The following CADPS variants were observed in gnomAD, a reference collection of about 807,000 sequenced individuals.
CADPS encodes the protein calcium-dependent secretion activator 1.
A neutral mutation model predicts 167.3 loss-of-function variants in CADPS; 57 were observed. The ratio of observed to expected loss-of-function variants is 0.34; its 90% CI spans 0.28 to 0.42. The LOEUF (loss-of-function observed/expected upper bound fraction) is 0.42. CADPS is among the 20% of genes least tolerant of loss of function. CADPS has a pLI of 1.00. For synonymous variants in CADPS, 676 were observed against 635.3 expected (o/e 1.06, Z -0.96); for missense variants, 1,414 against 1,738.1 (o/e 0.81, Z 3.32).
chr3:62,646,581 T>C (rs537203456), intron 5 of CADPS, among the ~76,000 whole-genome samples: 17 of 152,250 alleles, frequency 1.1e-4, no homozygotes, highest in African/African-American at 4.1e-4. Flanking sequence ...ATAGTGCAAA[T>C]ACTAAAATAA....
At chr3:62,762,706 T>G (rs1046337830) in intron 2 of CADPS, among the ~76,000 whole-genome samples, 3 of 151,142 alleles carry the variant, frequency 2.0e-5, no homozygotes, top group African/African-American at 7.3e-5. Context: ...ATAGGTTATA[T>G]GCAAACACTA....
intron 28 of CADPS, among the ~76,000 whole-genome samples, chr3:62,409,822 A>G (rs1050986923): frequency 1.3e-5 from 2 of 152,188 alleles, no homozygotes; most frequent in African/African-American, 4.8e-5. Context: ...GGAGAGCAAA[A>G]TGGTAGAGCC....
At chr3:62,646,489 A>G (rs2150087277) in intron 5 of CADPS, among the ~76,000 whole-genome samples, 1 of 152,274 alleles carries the variant, frequency 6.6e-6, no homozygotes, top group African/African-American at 2.4e-5. Flanking sequence ...TATTTTCTTT[A>G]AAAATAGTCT....
At chr3:62,615,948 A>G (rs966355452) in intron 6 of CADPS, among the ~76,000 whole-genome samples, 1 of 152,084 alleles carries the variant, frequency 6.6e-6, no homozygotes, top group Non-Finnish European at 1.5e-5. Flanking sequence ...CTCATGATGG[A>G]GAAGAACAGA....
rs1250588476 is a variant in CADPS at position 62,874,682 on chromosome 3, C to T, written c.348G>A (p.Lys116=). Residue 116 remains lysine, a synonymous_variant, in exon 1 of 30, where the codon AAG becomes AAA. Coordinates refer to ENST00000383710, the MANE Select transcript of CADPS (RefSeq NM_003716.4). The surrounding 1 kb of genome is among the most constrained non-coding windows in gnomAD (Gnocchi z 7.1). ...CGAACACATACAGCTGCAGCCTCTTCTTCCTCTCCTCCTCCTCTTTCTGCA... is the reference window on the plus strand; with the variant it reads ...CGAACACATACAGCTGCAGCCTCTTTTTCCTCTCCTCCTCCTCTTTCTGCA... ...ERLQKEEEER[K]KRLQLYVFVM... 1.3e-6 allele frequency: 2 copies of T among 1,553,424 alleles called. No homozygotes were observed. Among genetic ancestry groups the T allele is most frequent in the African/African-American group, 1.4e-5 (1 of 73,194 alleles).
intron 3 of CADPS, among the ~76,000 whole-genome samples, chr3:62,742,521 T>C (rs1343522508): frequency 6.6e-6 from 1 of 152,084 alleles, no homozygotes; most frequent in African/African-American, 2.4e-5. Context: ...AAAGAAGCAA[T>C]GGCAAAGGAT....
chr3:62,479,122 AAT>A (rs2061655216), intron 22 of CADPS, among the ~76,000 whole-genome samples: 2 of 152,214 alleles, frequency 1.3e-5, no homozygotes, highest in African/African-American at 2.4e-5. Flanking sequence ...GGATATTGTC[AAT>A]GCTTTAGGGC....
rs55860601 is a variant in CADPS at position 62,837,390 on chromosome 3, G to T, written c.441+37199C>A. On this transcript the variant is annotated intron_variant, in intron 1 of 29. Coordinates refer to ENST00000383710, the MANE Select transcript of CADPS (RefSeq NM_003716.4). Reference sequence around the variant, plus strand: ...TTGCTCCCACTGACCTCACAGGACGGGTTAAGTTGAGAGAACTACAGCATC... The same window carrying T: ...TTGCTCCCACTGACCTCACAGGACGTGTTAAGTTGAGAGAACTACAGCATC... 6.8e-3 allele frequency among the ~76,000 whole-genome samples: 1,029 copies of T among 152,276 alleles called. 13 individuals carry two copies. The highest frequency in any genetic ancestry group is 0.023 in the African/African-American group (973 of 41,548).
chr3:62,870,186 T>C (rs1056749937), intron 1 of CADPS, among the ~76,000 whole-genome samples: 13 of 152,144 alleles, frequency 8.5e-5, no homozygotes, highest in Non-Finnish European at 1.3e-4. Flanking sequence ...GTTCTTCCCC[T>C]GATGAAGAGA....
chr3:62,553,190 C>T (rs190045652), intron 10 of CADPS, among the ~76,000 whole-genome samples: 3 of 152,244 alleles, frequency 2.0e-5, no homozygotes, highest in East Asian at 1.9e-4. Context: ...TCACCCAGGG[C>T]CTGCTGCTGG....
At chr3:62,581,737 C>G (rs2083471830) in intron 8 of CADPS, among the ~76,000 whole-genome samples, 1 of 151,968 alleles carries the variant, frequency 6.6e-6, no homozygotes, top group African/African-American at 2.4e-5. Flanking sequence ...AGGATTACTT[C>G]AAGGTTTTTG....
intron 13 of CADPS, among the ~76,000 whole-genome samples, chr3:62,526,847 G>A (rs1488994327): frequency 6.6e-6 from 1 of 151,940 alleles, no homozygotes; most frequent in African/African-American, 2.4e-5. Flanking sequence ...ATGAAGTTTG[G>A]GCCACATTCC....
At chr3:62,700,121 C>A (rs1025154882) in intron 3 of CADPS, among the ~76,000 whole-genome samples, 1 of 152,022 alleles carries the variant, frequency 6.6e-6, no homozygotes. Flanking sequence ...TAATATAAAC[C>A]ACCCAGAGGA....
intron 2 of CADPS, among the ~76,000 whole-genome samples, chr3:62,761,253 T>C (rs2085334407): frequency 6.6e-6 from 1 of 152,120 alleles, no homozygotes; most frequent in East Asian, 1.9e-4. Context: ...TGATGATGAT[T>C]AGGGCTTAAT....
At chr3:62,805,127 T>C (rs2094010644) in intron 1 of CADPS, among the ~76,000 whole-genome samples, 1 of 152,168 alleles carries the variant, frequency 6.6e-6, no homozygotes, top group Admixed American at 6.5e-5. Context: ...TACATGCCTA[T>C]AGCACTCCCC....
At chr3:62,838,355 C>G (rs2076194539) in intron 1 of CADPS, among the ~76,000 whole-genome samples, 1 of 152,092 alleles carries the variant, frequency 6.6e-6, no homozygotes, top group African/African-American at 2.4e-5. Context: ...AGTCAGGAGG[C>G]AGGAGGGAAT....
chr3:62,434,019 T>A (rs1158730112), intron 28 of CADPS, among the ~76,000 whole-genome samples: 1 of 152,236 alleles, frequency 6.6e-6, no homozygotes, highest in Non-Finnish European at 1.5e-5. Flanking sequence ...TTATTTCATA[T>A]CCATGTTTTA....
At chr3:62,650,316 G>T (rs2069765318) in intron 5 of CADPS, among the ~76,000 whole-genome samples, 1 of 152,124 alleles carries the variant, frequency 6.6e-6, no homozygotes, top group African/African-American at 2.4e-5. Context: ...CATATGAAAA[G>T]AAAATGTGTG....
chr3:62,625,954 A>G (rs887050315), intron 6 of CADPS: 1 of 151,028 alleles, frequency 6.6e-6, no homozygotes, highest in African/African-American at 2.5e-5. Flanking sequence ...TTTATTTTTT[A>G]ATCATTCGCA....
Sources: gnomAD v4.1 joint callset for allele counts (sites outside exome capture counted in the v4.1 genomes callset) on GRCh38, gnomAD v4.1.1 for gene constraint, Gnocchi (gnomAD v3.1) non-coding constraint, MANE v1.5 for transcripts, NCBI Gene and HGNC (gene_info 2026-07-23, HGNC 2026-07-21) for gene names.